Variants in HAUS7 observed in about 807,000 individuals in gnomAD.
HAUS7 encodes the protein HAUS augmin like complex subunit 7.
In HAUS7, 3 loss-of-function variants were observed where a neutral mutation model predicts 28.4. That is an observed-to-expected ratio of 0.11 (90% confidence interval 0.05 to 0.27). HAUS7 has a LOEUF of 0.27. Among genes scored for constraint, HAUS7 ranks in the 10% least tolerant of loss-of-function variants. The probability of loss-of-function intolerance (pLI) is 1.00; values close to 1 mark genes in which losing one functional copy is unlikely to be tolerated. For missense variants in HAUS7, 284 were observed against 297.3 expected (o/e 0.96, Z 0.33); for synonymous variants, 165 against 132.1 (o/e 1.25, Z -1.71).
At chrX:153,493,807 C>T (rs182586704) in intron 1 of HAUS7, among the ~76,000 whole-genome samples, 1 of 111,607 alleles carries the variant, frequency 9.0e-6, no homozygotes, top group Non-Finnish European at 1.9e-5. Flanking sequence ...CCTCCCAGAC[C>T]CCACCCCCCG....
At chrX:153,454,102 C>T (rs535693279) in intron 9 of HAUS7, among the ~76,000 whole-genome samples, 6 of 112,098 alleles carry the variant, frequency 5.4e-5, no homozygotes, top group South Asian at 7.4e-4. Context: ...CATGAGCCAC[C>T]GCGCCTGGCC....
chrX:153,463,235 G>A, intron 3 of HAUS7: 1 of 292,625 alleles, frequency 3.4e-6, no homozygotes, highest in Non-Finnish European at 6.6e-6. Flanking sequence ...GCCTGGGGCC[G>A]ATGCCAGACC....
intron 1 of HAUS7, among the ~76,000 whole-genome samples, chrX:153,493,597 G>C (rs781979023): frequency 8.9e-6 from 1 of 112,448 alleles, no homozygotes; most frequent in African/African-American, 3.2e-5. Context: ...TTACCAGCCT[G>C]GCCCCTGGTT....
At chrX:153,457,384 T>C (rs782549606) in intron 4 of HAUS7, among the ~76,000 whole-genome samples, 156 bp from the exon 5 acceptor site, 1 of 113,116 alleles carries the variant, frequency 8.8e-6, no homozygotes, top group African/African-American at 3.2e-5. Context: ...CCCAGCAATG[T>C]CTTGGACTAG....
intron 1 of HAUS7, among the ~76,000 whole-genome samples, chrX:153,486,358 G>C (rs895717849): frequency 5.3e-5 from 6 of 112,888 alleles, no homozygotes; most frequent in African/African-American, 1.9e-4. Context: ...GGCCTGGAAA[G>C]CCAAGGGCAG....
chrX:153,486,122 A>G (rs2089636105), intron 1 of HAUS7: 3 of 898,638 alleles, frequency 3.3e-6, no homozygotes, highest in Non-Finnish European at 4.3e-6. Context: ...TCGACCCCAC[A>G]CCTGTGGCCG....
chrX:153,490,107 GCTCTGGC>G (rs1556989332), intron 1 of HAUS7, among the ~76,000 whole-genome samples: 1 of 112,735 alleles, frequency 8.9e-6, no homozygotes, highest in Non-Finnish European at 1.9e-5. Context: ...CTGCTCCTGG[GCTCTGGC>G]CTCTGGCCTC....
chrX:153,472,923 A>G (rs1265333567), upstream of HAUS7, among the ~76,000 whole-genome samples: 3 of 110,700 alleles, frequency 2.7e-5, no homozygotes, highest in Non-Finnish European at 5.7e-5. Context: ...GGTCCTGGTC[A>G]TGGAGGAAAG....
At chrX:153,453,233 C>G (rs1414201898) in intron 9 of HAUS7, among the ~76,000 whole-genome samples, 3 of 111,720 alleles carry the variant, frequency 2.7e-5, no homozygotes, top group Admixed American at 9.5e-5. Flanking sequence ...AGACAGACAG[C>G]GTCTCTATGA....
At chrX:153,453,818 T>G (rs2089267863) in intron 9 of HAUS7, among the ~76,000 whole-genome samples, 1 of 106,325 alleles carries the variant, frequency 9.4e-6, no homozygotes, top group Non-Finnish European at 1.9e-5. Context: ...TTTCCTTAAG[T>G]AACTTTTTTT....
chrX:153,448,864 C>G (rs1179180362), intron 9 of HAUS7, among the ~76,000 whole-genome samples: 4 of 112,913 alleles, frequency 3.5e-5, no homozygotes, highest in Admixed American at 1.9e-4. Flanking sequence ...CCCCGCCCAC[C>G]TGCCCCCTGC....
At chrX:153,478,374 C>T (rs2089576326) in intron 1 of HAUS7, among the ~76,000 whole-genome samples, 1 of 112,327 alleles carries the variant, frequency 8.9e-6, no homozygotes, top group Non-Finnish European at 1.9e-5. Context: ...TCTGGCCCCA[C>T]CCAGCAGTCC....
intron 8 of HAUS7, 86 bp downstream of exon 8, chrX:153,455,456 G>T: frequency 3.2e-6 from 2 of 621,444 alleles, no homozygotes; most frequent in Non-Finnish European, 2.6e-6. Context: ...GGCTGCTGAG[G>T]CCCCTGAGCC....
At position 153,456,651 on chromosome X, in the gene HAUS7, G is replaced by A; in HGVS notation, c.447C>T (p.Ser149=). 1 of 1,171,812 alleles carries A rather than the reference G, an allele frequency of 8.5e-7. No homozygotes were observed. Among genetic ancestry groups the A allele is most frequent in the Non-Finnish European group, 1.1e-6 (1 of 873,213 alleles). The change falls in exon 6 of 10, where the codon AGC becomes AGT. Residue 149 remains serine, a splice_region_variant and synonymous_variant. Coordinates refer to ENST00000370211, the MANE Select transcript of HAUS7 (RefSeq NM_001385482.1). ...TGGTGTCCTCGAAGTGCTCCATCAG[G>A]CTGCAAAGGCAGCCCCCAGGGCCAC... is the stretch of plus-strand genomic sequence containing the variant. ...SLTIGCSSCS[S]LMEHFEDTRE...
At chrX:153,476,561 A>T (rs1268373587) in intron 1 of HAUS7, among the ~76,000 whole-genome samples, 3 of 111,994 alleles carry the variant, frequency 2.7e-5, no homozygotes, top group African/African-American at 9.8e-5. Flanking sequence ...TTGTACAACT[A>T]GAAGCGACCT....
At chrX:153,494,508 C>T (rs782707902) in intron 1 of HAUS7, among the ~76,000 whole-genome samples, 3 of 112,249 alleles carry the variant, frequency 2.7e-5, no homozygotes, top group Non-Finnish European at 1.9e-5. Flanking sequence ...TTGCTTAGGC[C>T]CAAGCAGGTT....
upstream of HAUS7, among the ~76,000 whole-genome samples, chrX:153,472,714 G>C (rs7887815): frequency 0.012 from 1,340 of 109,443 alleles, 29 homozygotes; most frequent in African/African-American, 0.043. Flanking sequence ...CAGGGAGGTG[G>C]GTGGGCGGGG....
chrX:153,448,092 A>G (rs1469761118), intron 9 of HAUS7, among the ~76,000 whole-genome samples, 183 bp from the exon 10 acceptor site: 6 of 110,032 alleles, frequency 5.5e-5, no homozygotes, highest in African/African-American at 2.0e-4. Flanking sequence ...ACACATGCAC[A>G]CGTATGTTTA....
At chrX:153,484,166 C>T (rs782592202) in intron 1 of HAUS7, among the ~76,000 whole-genome samples, 12 of 112,012 alleles carry the variant, frequency 1.1e-4, no homozygotes, top group Non-Finnish European at 2.3e-4. Flanking sequence ...GTCTCCCCTG[C>T]GTGTCTCCCT....
Sources: allele counts gnomAD v4.1 joint callset (sites outside exome capture counted in the v4.1 genomes callset), GRCh38; gene constraint gnomAD v4.1.1; transcripts MANE v1.5; gene names NCBI Gene and HGNC (gene_info 2026-07-23, HGNC 2026-07-21).